FBXL18: variants seen among roughly 807,000 people sequenced by gnomAD.
FBXL18 encodes F-box/LRR-repeat protein 18.
FBXL18 carries 36 observed loss-of-function variants against 46.0 expected under a neutral mutation model. The observed-to-expected ratio is 0.78, with a 90% CI of 0.60 to 1.03. The LOEUF is 1.03. FBXL18 is among the 50% of genes least tolerant of loss of function. The pLI, the probability that FBXL18 is intolerant of heterozygous loss-of-function variation, is 0.00. For synonymous variants in FBXL18, 557 were observed against 465.3 expected, an observed-to-expected ratio of 1.20 and a Z score of -2.54; for missense variants, 977 against 1,004.1, an observed-to-expected ratio of 0.97 and a Z score of 0.36.
chr7:5,460,031 G>A (rs570162298), intron 4 of FBXL18, among the ~76,000 whole-genome samples: 127 of 152,160 alleles, frequency 8.3e-4, no homozygotes, highest in Non-Finnish European at 1.4e-3. Flanking sequence ...AGGCTGAGGC[G>A]GAAGGCTTGC....
chr7:5,483,368 G>A (rs1783694977), intron 4 of FBXL18, among the ~76,000 whole-genome samples: 1 of 151,922 alleles, frequency 6.6e-6, no homozygotes, highest in Non-Finnish European at 1.5e-5. Context: ...TTGAACCCAG[G>A]AGGTGGAGTT....
chr7:5,492,450 G>A (rs1245330140), intron 3 of FBXL18, among the ~76,000 whole-genome samples: 3 of 151,600 alleles, frequency 2.0e-5, no homozygotes, highest in East Asian at 2.0e-4. Flanking sequence ...GACTTCAGGG[G>A]CTGCCAGGAA....
intron 1 of FBXL18, among the ~76,000 whole-genome samples, chr7:5,513,210 C>G (rs1242163824): frequency 1.3e-5 from 2 of 152,150 alleles, no homozygotes; most frequent in African/African-American, 2.4e-5. Context: ...TCACCCACCC[C>G]CCACGTCATT....
chr7:5,458,191 G>A (rs762817474), intron 4 of FBXL18, among the ~76,000 whole-genome samples: 43 of 152,156 alleles, frequency 2.8e-4, no homozygotes, highest in Non-Finnish European at 5.9e-4. Flanking sequence ...TTGTTTCTGG[G>A]CAACACAGCA....
chr7:5,472,016 A>G (rs532486745), downstream of FBXL18, among the ~76,000 whole-genome samples: 1 of 152,258 alleles, frequency 6.6e-6, no homozygotes, highest in East Asian at 1.9e-4. Flanking sequence ...CAAGCCCAGG[A>G]GGTCGAGGCT....
At chr7:5,457,093 C>A (rs1008872653) in intron 4 of FBXL18, among the ~76,000 whole-genome samples, 32 of 152,330 alleles carry the variant, frequency 2.1e-4, no homozygotes, top group Admixed American at 2.0e-4. Flanking sequence ...AACACACAGA[C>A]TTGTGGGTGA....
At chr7:5,510,710 G>A (rs1342360692) in intron 1 of FBXL18, among the ~76,000 whole-genome samples, 1 of 149,304 alleles carries the variant, frequency 6.7e-6, no homozygotes, top group South Asian at 2.1e-4. Context: ...AAAAAATCTA[G>A]GTAACTGGCT....
chr7:5,474,663 GCT>G (rs1783479314), downstream of FBXL18, among the ~76,000 whole-genome samples: 1 of 123,792 alleles, frequency 8.1e-6, no homozygotes, highest in African/African-American at 3.1e-5. Context: ...AAAATCCTCC[GCT>G]GGCAAATTAT....
intron 4 of FBXL18, among the ~76,000 whole-genome samples, chr7:5,467,038 G>A (rs1244604802): frequency 2.0e-5 from 3 of 152,066 alleles, no homozygotes; most frequent in African/African-American, 7.2e-5. Flanking sequence ...CCATCACGGC[G>A]AAACCCTGTC....
At chr7:5,489,197 T>G in intron 4 of FBXL18, 1 of 513,312 alleles carries the variant, frequency 1.9e-6, no homozygotes, top group East Asian at 5.5e-5. Flanking sequence ...CACTTAGGGC[T>G]TTATTTACTG....
chr7:5,487,944 C>A (rs1188485006), intron 4 of FBXL18, among the ~76,000 whole-genome samples: 4 of 152,250 alleles, frequency 2.6e-5, no homozygotes, highest in Non-Finnish European at 5.9e-5. Flanking sequence ...TGAGGCTGCT[C>A]TCCAACACCA....
At chr7:5,497,026 G>A (rs1455268837) in intron 3 of FBXL18, among the ~76,000 whole-genome samples, 1 of 96,758 alleles carries the variant, frequency 1.0e-5, no homozygotes, top group South Asian at 4.3e-4. Context: ...GTGAGACTCT[G>A]TCTCAAAAAA....
Position 5,482,417 on chromosome 7 carries a change from C to T in FBXL18, c.2001-486G>A, listed in dbSNP as rs975179369. On this transcript the variant is annotated intron_variant, in intron 4 of 4. Coordinates refer to ENST00000382368, the MANE Select transcript of FBXL18 (RefSeq NM_024963.6). The stretch of plus-strand genomic sequence containing the variant: ...GCCAAGTCAGTGAGGCAGCAGCAGT[C>T]GCTGGGAGGAGCAGATACCCAGGTG... 3.3e-5 allele frequency among the ~76,000 whole-genome samples: 5 copies of T among 151,634 alleles called. No individual in the cohort carries two copies. The South Asian group carries it at 7.0e-4, about 21-fold the overall frequency.
intron 1 of FBXL18, among the ~76,000 whole-genome samples, chr7:5,505,902 G>A (rs1235709486): frequency 6.6e-6 from 1 of 152,088 alleles, no homozygotes; most frequent in Admixed American, 6.6e-5. Context: ...TTTCACTATT[G>A]TTGTCCAGGC....
intron 1 of FBXL18, 134 bp downstream of exon 1, chr7:5,513,506 CAGGGGCAAGGCCAGGGT>C (rs1584252796): frequency 2.3e-6 from 2 of 871,892 alleles, no homozygotes; most frequent in African/African-American, 3.3e-5. Flanking sequence ...AGGACGGGAG[CAGGGGCAAGGCCAGGGT>C]CAGGATGGGA....
Position 5,513,709 on chromosome 7 carries a change from C to T in FBXL18, c.-35G>A, listed in dbSNP as rs748718531. Reference sequence around the variant, plus strand: ...GGGTCCGAACCGCGGCCGCGGGATCCGCAACCCCGTGCCTCCCACCTGCCC... The same window carrying T: ...GGGTCCGAACCGCGGCCGCGGGATCTGCAACCCCGTGCCTCCCACCTGCCC... On this transcript the variant is annotated 5_prime_UTR_variant, in exon 1 of 5. Transcript: ENST00000382368. The T allele has an allele frequency of 6.9e-6, 11 of 1,593,916 alleles. No individual in the cohort carries two copies. The highest frequency in any genetic ancestry group is 5.4e-5 in the African/African-American group (4 of 74,464).
chr7:5,500,247 G>A (rs1376762076), intron 3 of FBXL18, among the ~76,000 whole-genome samples: 1 of 151,980 alleles, frequency 6.6e-6, no homozygotes, highest in African/African-American at 2.4e-5. Context: ...AGTAGGGCCA[G>A]GCAGTCACTC....
At chr7:5,458,566 C>T (rs1004961625) in intron 4 of FBXL18, among the ~76,000 whole-genome samples, 3 of 152,010 alleles carry the variant, frequency 2.0e-5, no homozygotes, top group Admixed American at 6.6e-5. Flanking sequence ...GGCATTGTGG[C>T]GTCCACCTGT....
At chr7:5,511,233 G>A (rs939097193) in intron 1 of FBXL18, among the ~76,000 whole-genome samples, 4 of 151,512 alleles carry the variant, frequency 2.6e-5, no homozygotes, top group Non-Finnish European at 4.4e-5. Flanking sequence ...TCAGGAGATC[G>A]AGACCATCCT....
Sources: gnomAD v4.1 joint callset for allele counts (sites outside exome capture counted in the v4.1 genomes callset) on GRCh38, gnomAD v4.1.1 for gene constraint, MANE v1.5 for transcripts, NCBI Gene and HGNC (gene_info 2026-07-23, HGNC 2026-07-21) for gene names.